The following MRC1 variants were observed in gnomAD, a reference collection of about 807,000 sequenced individuals.
The protein encoded by MRC1 is mannose receptor C-type 1.
Under a neutral mutation model 102.9 loss-of-function variants are expected in MRC1, and 62 were observed. The ratio of observed to expected loss-of-function variants is 0.60; its 90% CI spans 0.49 to 0.74. MRC1 has a LOEUF of 0.74. MRC1 is among the 30% of genes least tolerant of loss of function. The probability of loss-of-function intolerance (pLI) is 0.00; values close to 1 mark genes in which losing one functional copy is unlikely to be tolerated. For synonymous variants in MRC1, 457 were observed against 298.4 expected (o/e 1.53, Z -5.48); for missense variants, 1,237 against 862.8 (o/e 1.43, Z -5.43).
Position 17,910,892 on chromosome 10 carries a change from G to T in MRC1, c.*427G>T. 1.7e-5 allele frequency: 3 copies of T among 175,530 alleles called. No individual in the cohort carries two copies. The highest frequency in any genetic ancestry group is 1.1e-4 in the South Asian group (1 of 8,868). The allele number at this position is 175,530 out of a possible 1,614,324, so 10.9% of individuals were successfully genotyped here. On this transcript the variant is annotated 3_prime_UTR_variant, in exon 30 of 30. Coordinates refer to ENST00000569591, the MANE Select transcript of MRC1 (RefSeq NM_002438.4). ...AGTCAGGTACAAATTTCCTCAAGTG[G>T]CATAAAAATGTAGTCAGTTTTCTCT...
rs965853515 is a variant in MRC1, at chr10:17,871,081, T to G, written c.2199+146T>G. On this transcript the variant is annotated intron_variant, in intron 14 of 29. Transcript: ENST00000569591. ...ATGCAAAATTGATGTGCAGGTAAAC[T>G]TCCTAAAACTTGCGTGTTTTATACC... 15 of 699,074 alleles carry G rather than the reference T, an allele frequency of 2.1e-5. No individual in the cohort carries two copies. In the East Asian group the frequency reaches 3.7e-4, roughly 17 times the overall value. 43.3% of individuals were successfully genotyped at this position (699,074 alleles called of 1,614,324 possible). A position where few individuals can be genotyped will look rare whatever the true frequency, so the allele number is the denominator to read the frequency against.
At chr10:17,835,067 G>T (rs925891940) in intron 4 of MRC1, among the ~76,000 whole-genome samples, 1 of 152,056 alleles carries the variant, frequency 6.6e-6, no homozygotes, top group East Asian at 1.9e-4. Context: ...TACTATTCCC[G>T]GTCTTGCATT....
chr10:17,853,433 A>G (rs2130647974), intron 8 of MRC1, among the ~76,000 whole-genome samples: 1 of 146,398 alleles, frequency 6.8e-6, no homozygotes, highest in Middle Eastern at 3.6e-3. Context: ...ATAGTGCCAT[A>G]TTATAATGGT....
intron 2 of MRC1, among the ~76,000 whole-genome samples, chr10:17,826,243 C>T (rs1838473243): frequency 1.3e-5 from 2 of 152,074 alleles, no homozygotes; most frequent in East Asian, 1.9e-4. Context: ...CACTCTGTCA[C>T]CCAGGCTGGA....
At chr10:17,881,307 A>G (rs1833513153) in intron 21 of MRC1, 126 bp downstream of exon 21, 1 of 694,880 alleles carries the variant, frequency 1.4e-6, no homozygotes, top group African/African-American at 1.8e-5. Context: ...AAGTGGAAAA[A>G]ATCAAATGCT....
intron 4 of MRC1, among the ~76,000 whole-genome samples, chr10:17,837,513 G>T (rs1838686071): frequency 6.6e-6 from 1 of 152,080 alleles, no homozygotes; most frequent in South Asian, 2.1e-4. Flanking sequence ...TGGAAAATAT[G>T]CCATTAAAAT....
At position 17,823,079 on chromosome 10, in the gene MRC1, A is replaced by G. The variant is rs1838419201; in HGVS notation, c.67A>G (p.Arg23Gly). 2.6e-6 allele frequency: 2 copies of G among 780,732 alleles called. No individual in the cohort carries two copies. Among genetic ancestry groups the G allele is most frequent in the Admixed American group, 1.7e-5 (1 of 58,996 alleles). 48.4% of individuals were successfully genotyped at this position (780,732 alleles called of 1,614,324 possible). ...IPGAVLLLDT[R>G]QFLIYNEDHK... ...GCTTCTTTCTTTTTAAACAGACACC[A>G]GGCAATTTTTAATCTATAATGAAGA... Residue 23 changes from arginine (R) to glycine (G), a missense_variant, in exon 2 of 30, where the codon AGG becomes GGG. Arg to Gly is a moderately radical substitution (Grantham distance 125, BLOSUM62 -2). Transcript: ENST00000569591.
In MRC1 at chr10:17,879,500, C is replaced by A. The variant is rs3740154; in HGVS notation, c.2619-221C>A. The stretch of plus-strand genomic sequence containing the variant: ...TCCTGAGTGGCTGGGATTACAGGAG[C>A]CCACAACCATGCCTGGCTAATTTTT... On this transcript the variant is annotated intron_variant, in intron 18 of 29. Coordinates refer to ENST00000569591, the MANE Select transcript of MRC1 (RefSeq NM_002438.4). Among the ~76,000 whole-genome samples, 53 of 152,238 alleles carry A rather than the reference C, an allele frequency of 3.5e-4. No homozygotes were observed. In the East Asian group the frequency reaches 8.1e-3, roughly 23 times the overall value.
intron 1 of MRC1, among the ~76,000 whole-genome samples, chr10:17,816,313 G>A (rs949087008): frequency 1.3e-5 from 2 of 152,208 alleles, no homozygotes; most frequent in East Asian, 3.8e-4. Flanking sequence ...TTGAGGGCAA[G>A]TTAGTTTATT....
chr10:17,852,926 G>A, intron 7 of MRC1, 41 bp from the exon 8 acceptor site: 1 of 780,742 alleles, frequency 1.3e-6, no homozygotes, highest in Non-Finnish European at 2.4e-6. Context: ...CCTTTGGAAA[G>A]CAACCCTTGT....
chr10:17,865,384 C>T (rs1833250476), intron 11 of MRC1: 1 of 152,134 alleles, frequency 6.6e-6, no homozygotes, highest in Non-Finnish European at 1.5e-5. Context: ...ACTTTAAAAA[C>T]ACATCTTGGC....
At position 17,869,035 on chromosome 10, in the gene MRC1, A is replaced by AGAATC. The variant is rs1393199212; in HGVS notation, c.1984-1210_1984-1206dup. Reference sequence around the variant, plus strand: ...TGGAGATTTATTGCAGTTTTCTGAGAGAATCAGCAGTTTTACCCAGAGCAG... The same window carrying AGAATC: ...TGGAGATTTATTGCAGTTTTCTGAGAGAATCGAATCAGCAGTTTTACCCAGAGCAG... On this transcript the variant is annotated intron_variant, in intron 12 of 29. Coordinates refer to ENST00000569591, the MANE Select transcript of MRC1 (RefSeq NM_002438.4). 3.3e-5 allele frequency among the ~76,000 whole-genome samples: 5 copies of AGAATC among 152,214 alleles called. No homozygotes were observed. In the East Asian group the frequency reaches 9.6e-4, roughly 29 times the overall value.
intron 22 of MRC1, among the ~76,000 whole-genome samples, chr10:17,892,148 C>G (rs1458500765): frequency 6.6e-6 from 1 of 152,044 alleles, no homozygotes; most frequent in Non-Finnish European, 1.5e-5. Flanking sequence ...AATGCTCTGT[C>G]GTATTTTAAA....
chr10:17,809,382 A>T lies in MRC1; in HGVS notation c.-84A>T. On this transcript the variant is annotated 5_prime_UTR_variant, in exon 1 of 30. Coordinates refer to ENST00000569591, the MANE Select transcript of MRC1 (RefSeq NM_002438.4). ...AGCTCTGGGAACTTGGATTAGGTGGAGAGGCAGTTGGGGGGCCTCGTTGTT... is the reference window on the plus strand; with the variant it reads ...AGCTCTGGGAACTTGGATTAGGTGGTGAGGCAGTTGGGGGGCCTCGTTGTT... 7.1e-6 allele frequency: 6 copies of T among 843,596 alleles called. No homozygotes were observed. The highest frequency in any genetic ancestry group is 1.3e-5 in the Non-Finnish European group (6 of 475,408). 52.3% of individuals were successfully genotyped at this position (843,596 alleles called of 1,614,324 possible). A position where few individuals can be genotyped will look rare whatever the true frequency, so the allele number is the denominator to read the frequency against.
intron 1 of MRC1, among the ~76,000 whole-genome samples, chr10:17,810,463 C>T (rs947886873): frequency 8.5e-5 from 13 of 152,186 alleles, no homozygotes; most frequent in Admixed American, 3.9e-4. Context: ...GTTTTAGTAC[C>T]GCAAATGTTA....
chr10:17,899,094 G>T (rs1430979383), intron 24 of MRC1, among the ~76,000 whole-genome samples: 14 of 138,544 alleles, frequency 1.0e-4, no homozygotes, highest in African/African-American at 3.9e-4. Context: ...CATAAGGAAG[G>T]AATATCAAGA....
intron 18 of MRC1, among the ~76,000 whole-genome samples, chr10:17,879,037 T>C (rs1833476093): frequency 6.6e-6 from 1 of 152,194 alleles, no homozygotes; most frequent in South Asian, 2.1e-4. Flanking sequence ...AATCAGAGAA[T>C]GAGTCTAATG....
intron 1 of MRC1, among the ~76,000 whole-genome samples, chr10:17,813,660 T>C (rs967319126): frequency 0.023 from 2,755 of 122,428 alleles, 109 homozygotes; most frequent in African/African-American, 0.076. Context: ...CATATATATA[T>C]ATACACACAC....
In MRC1 at chr10:17,873,793, C is replaced by T. The variant is rs986935359; in HGVS notation, c.2354C>T (p.Pro785Leu). The change falls in exon 16 of 30, where the codon CCA (proline) becomes CTA (leucine). Residue 785 changes from proline (P) to leucine (L), a missense_variant. Pro to Leu is a moderately conservative substitution (Grantham distance 98). Transcript: ENST00000569591. The stretch of plus-strand genomic sequence containing the variant: ...TTCTCTTGTTTTACAGGACAAACAC[C>T]AAAACCTGAGCCAACACCAGCTCCT... ...WICQIQKGQT[P>L]KPEPTPAPQD... 18 of 872,430 alleles carry T rather than the reference C, an allele frequency of 2.1e-5. No homozygotes were observed. The highest frequency in any genetic ancestry group is 3.2e-5 in the Non-Finnish European group (16 of 501,400). 54.0% of individuals were successfully genotyped at this position (872,430 alleles called of 1,614,324 possible). A position where few individuals can be genotyped will look rare whatever the true frequency, so the allele number is the denominator to read the frequency against.
Sources: gnomAD v4.1 joint callset for allele counts (sites outside exome capture counted in the v4.1 genomes callset) on GRCh38, gnomAD v4.1.1 for gene constraint, MANE v1.5 for transcripts, NCBI Gene and HGNC (gene_info 2026-07-23, HGNC 2026-07-21) for gene names.